The following ZNF618 variants were observed in gnomAD, a reference collection of about 807,000 sequenced individuals.
The protein encoded by ZNF618 is zinc finger protein 618, also known as neural precursor cell expressed, developmentally down-regulated 10.
A neutral mutation model predicts 103.0 loss-of-function variants in ZNF618; 34 were observed. The observed-to-expected ratio is 0.33, with a 90% CI of 0.25 to 0.44. The LOEUF (loss-of-function observed/expected upper bound fraction) is 0.44, where lower values mean the gene tolerates loss of function less well. Among genes scored for constraint, ZNF618 ranks in the 20% least tolerant of loss-of-function variants. The pLI, the probability that ZNF618 is intolerant of heterozygous loss-of-function variation, is 1.00. For missense variants in ZNF618, 1,059 were observed against 1,295.4 expected, an observed-to-expected ratio of 0.82 and a Z score of 2.80; for synonymous variants, 551 against 542.2, an observed-to-expected ratio of 1.02 and a Z score of -0.23.
intron 1 of ZNF618, among the ~76,000 whole-genome samples, chr9:113,941,245 C>T (rs1834523585): frequency 6.6e-6 from 1 of 152,076 alleles, no homozygotes; most frequent in African/African-American, 2.4e-5. Context: ...TTTACATTTT[C>T]CTCATTCTCC....
intron 2 of ZNF618, among the ~76,000 whole-genome samples, chr9:113,987,871 G>T (rs1839637909): frequency 1.3e-5 from 2 of 150,520 alleles, no homozygotes; most frequent in South Asian, 4.3e-4. Context: ...CCCTACCCCA[G>T]AACAGCTGAG....
At chr9:113,970,993 A>G (rs1837909429) in intron 2 of ZNF618, among the ~76,000 whole-genome samples, 1 of 146,412 alleles carries the variant, frequency 6.8e-6, no homozygotes, top group African/African-American at 2.6e-5. Context: ...TGATGTGGAG[A>G]CAGGGAGTGT....
chr9:113,885,950 C>T (rs1829030165), intron 1 of ZNF618, among the ~76,000 whole-genome samples: 1 of 152,076 alleles, frequency 6.6e-6, no homozygotes, highest in Non-Finnish European at 1.5e-5. Flanking sequence ...GATGCTTGGC[C>T]CCCCAGTCTG....
chr9:113,895,444 T>C (rs529074991), intron 1 of ZNF618, among the ~76,000 whole-genome samples: 1 of 152,272 alleles, frequency 6.6e-6, no homozygotes, highest in South Asian at 2.1e-4. Context: ...TTTTAATGCA[T>C]CCTGGGTCCA....
intron 9 of ZNF618, among the ~76,000 whole-genome samples, chr9:114,015,362 T>C (rs1842568258): frequency 6.6e-6 from 1 of 152,068 alleles, no homozygotes; most frequent in Admixed American, 6.5e-5. Context: ...AGAAAAACAA[T>C]AGTTAATTAA....
chr9:114,037,183 C>T (rs1032896382), intron 13 of ZNF618, among the ~76,000 whole-genome samples: 1 of 152,182 alleles, frequency 6.6e-6, no homozygotes, highest in Admixed American at 6.5e-5. Context: ...AGACCATTTA[C>T]TTCTCACCCA....
In ZNF618 at chr9:114,015,051, G is replaced by C. The variant is rs574626657; in HGVS notation, c.755-1644G>C. Among the ~76,000 whole-genome samples the C allele has an allele frequency of 6.1e-4, 93 of 152,082 alleles. 1 individual carries two copies. Among genetic ancestry groups the C allele is most frequent in the Middle Eastern group, 3.4e-3 (1 of 294 alleles). On this transcript the variant is annotated intron_variant, in intron 9 of 14. Coordinates refer to ENST00000374126, the MANE Select transcript of ZNF618 (RefSeq NM_001318042.2). ...TTTGACAGAGCAAGTAGACAAACAA[G>C]GTTGTATAGAATTTAAATAATATAT...
At position 114,019,715 on chromosome 9, in the gene ZNF618, A is replaced by G. The variant is rs1842921820; in HGVS notation, c.844+2931A>G. ...TTTGTCTTTTTTATTATTAAGTTGTAGGAGTTCTTTCTATATTCCAGTAGG... is the reference window on the plus strand; with the variant it reads ...TTTGTCTTTTTTATTATTAAGTTGTGGGAGTTCTTTCTATATTCCAGTAGG... On this transcript the variant is annotated intron_variant, in intron 10 of 14. Transcript: ENST00000374126. Among the ~76,000 whole-genome samples the G allele has an allele frequency of 3.3e-5, 5 of 152,282 alleles. No homozygotes were observed. The South Asian group carries it at 1.0e-3, about 32-fold the overall frequency.
chr9:114,050,384 T>G lies in ZNF618; in HGVS notation c.*217T>G, dbSNP rs1437518820. On this transcript the variant is annotated 3_prime_UTR_variant, in exon 15 of 15. Coordinates refer to ENST00000374126, the MANE Select transcript of ZNF618 (RefSeq NM_001318042.2). ...CGTGTCTGAACACGTGCTGTGGTTG[T>G]GGGGGTGTGGGGGGGTCTCTGTGCT... 1 of 528,802 alleles carries G rather than the reference T, an allele frequency of 1.9e-6. No homozygotes were observed. The highest frequency in any genetic ancestry group is 3.2e-6 in the Non-Finnish European group (1 of 313,198). The allele number at this position is 528,802 out of a possible 1,614,324, so 32.8% of individuals were successfully genotyped here. A position where few individuals can be genotyped will look rare whatever the true frequency, so the allele number is the denominator to read the frequency against.
intron 13 of ZNF618, among the ~76,000 whole-genome samples, chr9:114,044,558 T>A (rs1845496207): frequency 6.6e-6 from 1 of 152,176 alleles, no homozygotes; most frequent in South Asian, 2.1e-4. Context: ...TTTAGGATTG[T>A]TTTTTCTAGT....
In ZNF618 at chr9:113,931,176, T is replaced by C. The variant is rs536765702; in HGVS notation, c.34-37941T>C. Among the ~76,000 whole-genome samples, 13 of 152,330 alleles carry C rather than the reference T, an allele frequency of 8.5e-5. No homozygotes were observed. In the South Asian group the frequency reaches 2.7e-3, roughly 32 times the overall value. ...GTGGGCAGAAGTGGGGAGTGAATGA[T>C]GGCCTGATTGCCAAGGAGCCACCTT... On this transcript the variant is annotated intron_variant, in intron 1 of 14. Coordinates refer to ENST00000374126, the MANE Select transcript of ZNF618 (RefSeq NM_001318042.2).
rs577427997 is a variant in ZNF618, at chr9:114,046,707, T to C, written c.1247-1186T>C. 3.3e-5 allele frequency among the ~76,000 whole-genome samples: 5 copies of C among 152,328 alleles called. No individual in the cohort carries two copies. The South Asian group carries it at 1.0e-3, about 32-fold the overall frequency. On this transcript the variant is annotated intron_variant, in intron 13 of 14. Transcript: ENST00000374126. ...GATGCTCTTTATTAGGTTGGAAAAC[T>C]TCCCTTCGATTCCTAGTTTATTGAG...
rs140500794 is a variant in ZNF618, at chr9:114,007,491, G to A, written c.640+52G>A. On this transcript the variant is annotated intron_variant, in intron 7 of 14. Transcript: ENST00000374126. ...GTCATGCCAAGAGGCGCCCTTCCTTGGAGACACCAGCCCCCAGCCCTCCCC... is the reference window on the plus strand; with the variant it reads ...GTCATGCCAAGAGGCGCCCTTCCTTAGAGACACCAGCCCCCAGCCCTCCCC... 7 of 1,568,200 alleles carry A rather than the reference G, an allele frequency of 4.5e-6. No individual in the cohort carries two copies. The African/African-American group carries it at 8.1e-5, about 18-fold the overall frequency.
intron 1 of ZNF618, among the ~76,000 whole-genome samples, chr9:113,877,921 A>G (rs1208326359): frequency 1.3e-5 from 2 of 152,156 alleles, no homozygotes; most frequent in South Asian, 2.1e-4. Flanking sequence ...ACAGAAGCTC[A>G]TTTTTTATGA....
Position 114,050,557 on chromosome 9 carries a change from AAG to A in ZNF618, c.*393_*394del, listed in dbSNP as rs148339915. On this transcript the variant is annotated 3_prime_UTR_variant, in exon 15 of 15. Coordinates refer to ENST00000374126, the MANE Select transcript of ZNF618 (RefSeq NM_001318042.2). ...TGTCAGGAAAGCTGAGCGATTGGGA[AAG>A]AGGGAGATGTTTCACCTCCTTTTCT... The A allele has an allele frequency of 0.027, 4,406 of 163,806 alleles. 100 individuals carry two copies. The highest frequency in any genetic ancestry group is 0.041 in the Non-Finnish European group (3,077 of 75,918). The allele number at this position is 163,806 out of a possible 1,614,324, so 10.1% of individuals were successfully genotyped here. A position where few individuals can be genotyped will look rare whatever the true frequency, so the allele number is the denominator to read the frequency against.
chr9:113,988,301 C>T lies in ZNF618; in HGVS notation c.78-20C>T, dbSNP rs199535829. On this transcript the variant is annotated intron_variant, in intron 2 of 14. Coordinates refer to ENST00000374126, the MANE Select transcript of ZNF618 (RefSeq NM_001318042.2). ...TGATCTGGAGGAAGAAGGTATTGAA[C>T]GGAGTTTCTTCTTTCCCAGGGAGCG... 151 of 1,602,952 alleles carry T rather than the reference C, an allele frequency of 9.4e-5. No individual in the cohort carries two copies. The highest frequency in any genetic ancestry group is 1.3e-4 in the East Asian group (6 of 44,720).
chr9:114,016,155 G>A (rs1489291721), intron 9 of ZNF618: 3 of 1,613,680 alleles, frequency 1.9e-6, no homozygotes, highest in Non-Finnish European at 8.5e-7. Flanking sequence ...AAAGAAGTTA[G>A]GCAGTGCCAA....
At chr9:113,988,209 C>A (rs936981897) in intron 2 of ZNF618, 112 bp from the exon 3 acceptor site, 23 of 1,400,804 alleles carry the variant, frequency 1.6e-5, no homozygotes, top group Non-Finnish European at 2.2e-5. Context: ...GGCCGGGGGC[C>A]CTAGAATTCA....
At chr9:113,989,652 C>T (rs897414617) in intron 3 of ZNF618, among the ~76,000 whole-genome samples, 6 of 152,252 alleles carry the variant, frequency 3.9e-5, no homozygotes, top group Non-Finnish European at 7.3e-5. Flanking sequence ...TCTGGCTCAC[C>T]TCCTACTGAC....
Sources: gnomAD v4.1 joint callset for allele counts (sites outside exome capture counted in the v4.1 genomes callset) on GRCh38, gnomAD v4.1.1 for gene constraint, MANE v1.5 for transcripts, NCBI Gene and HGNC (gene_info 2026-07-23, HGNC 2026-07-21) for gene names.